The following ERBB4 variants were observed in gnomAD, a reference collection of about 807,000 sequenced individuals.
ERBB4 encodes receptor tyrosine-protein kinase erbB-4.
ERBB4 carries 42 observed loss-of-function variants against 158.0 expected under a neutral mutation model. The observed-to-expected ratio is 0.27, with a 90% confidence interval of 0.21 to 0.34. The LOEUF (loss-of-function observed/expected upper bound fraction) is 0.34. Ranked by LOEUF, ERBB4 falls within the 10% of genes least tolerant of loss-of-function variation. The pLI is 1.00. For synonymous variants in ERBB4, 583 were observed against 558.7 expected (o/e 1.04, Z -0.61); for missense variants, 1,333 against 1,624.1 (o/e 0.82, Z 3.08).
At chr2:212,250,282 A>G (rs2084482356) in intron 1 of ERBB4, among the ~76,000 whole-genome samples, 3 of 151,970 alleles carry the variant, frequency 2.0e-5, no homozygotes, top group African/African-American at 7.2e-5. Flanking sequence ...GAATGTTTTT[A>G]CCTATGAAAG....
intron 1 of ERBB4, among the ~76,000 whole-genome samples, chr2:212,344,477 TGTG>T (rs2088881894): frequency 1.6e-5 from 1 of 61,668 alleles, no homozygotes; most frequent in African/African-American, 1.1e-4. Context: ...TGTGTATATA[TGTG>T]TGTGTGTGTG....
intron 20 of ERBB4, among the ~76,000 whole-genome samples, chr2:211,498,091 T>G (rs531745452): frequency 2.6e-5 from 4 of 152,232 alleles, no homozygotes; most frequent in Admixed American, 1.3e-4. Flanking sequence ...GAGCACCACA[T>G]GAAACCCTTC....
At chr2:212,306,189 A>G (rs141282956) in intron 1 of ERBB4, among the ~76,000 whole-genome samples, 441 of 151,592 alleles carry the variant, frequency 2.9e-3, no homozygotes, top group South Asian at 4.3e-3. Flanking sequence ...TTTCATATAA[A>G]GAAGTAAAAA....
At chr2:211,605,625 AG>A (rs1282417653) in intron 19 of ERBB4, among the ~76,000 whole-genome samples, 1 of 152,142 alleles carries the variant, frequency 6.6e-6, no homozygotes, top group African/African-American at 2.4e-5. Context: ...AAATAAATAG[AG>A]GCTATTTTCC....
chr2:211,633,193 T>C (rs913296044), intron 16 of ERBB4, among the ~76,000 whole-genome samples: 1 of 152,178 alleles, frequency 6.6e-6, no homozygotes, highest in African/African-American at 2.4e-5. Flanking sequence ...GATCCTAGTT[T>C]GGACAAACCA....
intron 1 of ERBB4, among the ~76,000 whole-genome samples, chr2:212,134,534 CATAAA>C (rs1439482973): frequency 6.6e-6 from 1 of 151,838 alleles, no homozygotes; most frequent in Non-Finnish European, 1.5e-5. Context: ...TAAAACTAGA[CATAAA>C]ATATTTTTCA....
chr2:211,552,292 T>G (rs955949049), intron 20 of ERBB4, among the ~76,000 whole-genome samples: 4 of 152,206 alleles, frequency 2.6e-5, no homozygotes, highest in Non-Finnish European at 1.5e-5. Context: ...TAATTTTCTC[T>G]GAAAATATAA....
chr2:212,436,999 A>C (rs1465583217), intron 1 of ERBB4, among the ~76,000 whole-genome samples: 1 of 152,114 alleles, frequency 6.6e-6, no homozygotes, highest in East Asian at 1.9e-4. Context: ...CAAGCAAGAG[A>C]GTAAGGCTAG....
At chr2:212,140,521 AT>A (rs1345303345) in intron 1 of ERBB4, among the ~76,000 whole-genome samples, 3 of 143,452 alleles carry the variant, frequency 2.1e-5, no homozygotes, top group African/African-American at 8.3e-5. Context: ...ATTTTTAAAA[AT>A]GTTTTTTTTT....
intron 1 of ERBB4, among the ~76,000 whole-genome samples, chr2:212,344,603 A>G (rs1166494919): frequency 1.8e-5 from 1 of 56,792 alleles, no homozygotes; most frequent in African/African-American, 7.1e-5. Flanking sequence ...GTAATTTCGT[A>G]ATACAAAGAA....
chr2:212,447,823 C>G (rs1173320930), intron 1 of ERBB4, among the ~76,000 whole-genome samples: 3 of 148,092 alleles, frequency 2.0e-5, no homozygotes, highest in South Asian at 2.1e-4. Context: ...ACATGGGCAA[C>G]TAACATTTCT....
chr2:212,231,258 T>C (rs2083655689), intron 1 of ERBB4, among the ~76,000 whole-genome samples: 2 of 151,876 alleles, frequency 1.3e-5, no homozygotes, highest in East Asian at 3.9e-4. Flanking sequence ...AATCCAGTCA[T>C]CTCAAACGGA....
At chr2:211,794,576 T>G (rs2076343493) in intron 3 of ERBB4, among the ~76,000 whole-genome samples, 1 of 151,928 alleles carries the variant, frequency 6.6e-6, no homozygotes, top group Non-Finnish European at 1.5e-5. Context: ...TGCTTAGTGA[T>G]AGCATAATGT....
intron 1 of ERBB4, among the ~76,000 whole-genome samples, chr2:212,309,878 G>C (rs2086962708): frequency 6.7e-6 from 1 of 150,150 alleles, no homozygotes; most frequent in African/African-American, 2.4e-5. Context: ...AAACTCAGGA[G>C]ATGTTATCAT....
chr2:212,247,155 C>T (rs2084338900), intron 1 of ERBB4, among the ~76,000 whole-genome samples: 1 of 152,116 alleles, frequency 6.6e-6, no homozygotes, highest in South Asian at 2.1e-4. Flanking sequence ...ATTATTGTGT[C>T]ATTGCTGTTC....
intron 18 of ERBB4, among the ~76,000 whole-genome samples, 169 bp downstream of exon 18, chr2:211,623,753 A>G (rs183196471): frequency 6.6e-6 from 1 of 152,308 alleles, no homozygotes; most frequent in Admixed American, 6.5e-5. Flanking sequence ...AGCTCATTCA[A>G]TAAAAATTAA....
chr2:211,416,366 C>T (rs1393114694), intron 25 of ERBB4, among the ~76,000 whole-genome samples: 1 of 151,922 alleles, frequency 6.6e-6, no homozygotes, highest in Non-Finnish European at 1.5e-5. Context: ...TTAAATTATG[C>T]TGAACATGTA....
chr2:212,010,595 A>C (rs1376385797), intron 2 of ERBB4, among the ~76,000 whole-genome samples: 1 of 152,150 alleles, frequency 6.6e-6, no homozygotes, highest in Non-Finnish European at 1.5e-5. Flanking sequence ...CAAAGGGCAA[A>C]AGCAGAACTA....
chr2:212,190,646 T>C (rs1386470644), intron 1 of ERBB4, among the ~76,000 whole-genome samples: 1 of 152,186 alleles, frequency 6.6e-6, no homozygotes, highest in Non-Finnish European at 1.5e-5. Context: ...TTGCAGTGAA[T>C]GTTGCAGCCC....
Sources: gnomAD v4.1 joint callset for allele counts (sites outside exome capture counted in the v4.1 genomes callset) on GRCh38, gnomAD v4.1.1 for gene constraint, MANE v1.5 for transcripts, NCBI Gene and HGNC (gene_info 2026-07-23, HGNC 2026-07-21) for gene names.